The following BRIP1 variants were observed in gnomAD, a reference collection of about 807,000 sequenced individuals.
The protein encoded by BRIP1 is Fanconi anemia group J protein.
In BRIP1, 88 loss-of-function variants were observed where a neutral mutation model predicts 119.7. That is an observed-to-expected ratio of 0.74 (90% CI 0.62 to 0.88). BRIP1 has a LOEUF of 0.88. Among genes scored for constraint, BRIP1 ranks in the 40% least tolerant of loss-of-function variants. The probability of loss-of-function intolerance (pLI) is 0.00; values close to 1 mark genes in which losing one functional copy is unlikely to be tolerated. For synonymous variants in BRIP1, 443 were observed against 496.5 expected, an observed-to-expected ratio of 0.89 and a Z score of 1.43; for missense variants, 1,259 against 1,455.4, an observed-to-expected ratio of 0.87 and a Z score of 2.20.
Position 61,853,850 on chromosome 17 carries a change from C to A in BRIP1, c.379+3208G>T, listed in dbSNP as rs2078856932. ...CAAAATTTAACAGTAAGAACACAAA[C>A]TAATAAAAAATAGGCAATTATTCGA... On this transcript the variant is annotated intron_variant, in intron 4 of 19. Transcript: ENST00000259008. This position sits in a 1 kb window ranked among gnomAD's most constrained non-coding sequence, Gnocchi z 4.3. 6.6e-6 allele frequency among the ~76,000 whole-genome samples: 1 copy of A among 151,994 alleles called. No homozygotes were observed. Among genetic ancestry groups the A allele is most frequent in the African/African-American group, 2.4e-5 (1 of 41,388 alleles).
Position 61,778,245 on chromosome 17 carries a change from AT to A in BRIP1, c.1936-1684del, listed in dbSNP as rs2077563858. Among the ~76,000 whole-genome samples, 1 of 152,172 alleles carries A rather than the reference AT, an allele frequency of 6.6e-6. No homozygotes were observed. Among genetic ancestry groups the A allele is most frequent in the South Asian group, 2.1e-4 (1 of 4,832 alleles). On this transcript the variant is annotated intron_variant, in intron 13 of 19. Transcript: ENST00000259008. The surrounding 1 kb of genome is among the most constrained non-coding windows in gnomAD (Gnocchi z 4.4). Reference sequence around the variant, plus strand: ...TAAGCCAGTCACAAAAACGACAAATATTTTATGATTCCACTTATATGAAGTA... The same window carrying A: ...TAAGCCAGTCACAAAAACGACAAATATTTATGATTCCACTTATATGAAGTA...
chr17:61,804,373 T>C lies in BRIP1; in HGVS notation c.919-2899A>G, dbSNP rs192410061. ...AACCATACATAAAATATATAAATTATATCAGGGATAAAAGACTTTGAGGCA... is the reference window on the plus strand; with the variant it reads ...AACCATACATAAAATATATAAATTACATCAGGGATAAAAGACTTTGAGGCA... On this transcript the variant is annotated intron_variant, in intron 7 of 19. Transcript: ENST00000259008. This position sits in a 1 kb window ranked among gnomAD's most constrained non-coding sequence, Gnocchi z 4.5. 6.6e-6 allele frequency among the ~76,000 whole-genome samples: 1 copy of C among 152,178 alleles called. No individual in the cohort carries two copies. Among genetic ancestry groups the C allele is most frequent in the East Asian group, 1.9e-4 (1 of 5,186 alleles).
chr17:61,767,100 T>C lies in BRIP1; in HGVS notation c.2097+9301A>G, dbSNP rs2144921277. Among the ~76,000 whole-genome samples, 1 of 152,322 alleles carries C rather than the reference T, an allele frequency of 6.6e-6. No homozygotes were observed. Among genetic ancestry groups the C allele is most frequent in the South Asian group, 2.1e-4 (1 of 4,822 alleles). The stretch of plus-strand genomic sequence containing the variant: ...AAAACTAGATGAACAACGTTCTCAC[T>C]CTTACCCTTAAACAAATGCTGCAGT... On this transcript the variant is annotated intron_variant, in intron 14 of 19. Coordinates refer to ENST00000259008, the MANE Select transcript of BRIP1 (RefSeq NM_032043.3). The surrounding 1 kb of genome is among the most constrained non-coding windows in gnomAD (Gnocchi z 5.7).
chr17:61,835,057 TTTAA>T (rs1241627946), intron 6 of BRIP1, among the ~76,000 whole-genome samples: 17 of 152,262 alleles, frequency 1.1e-4, no homozygotes, highest in African/African-American at 4.1e-4. Context: ...GAGGAGACAG[TTTAA>T]TTAAGGATTA....
In BRIP1 at chr17:61,717,744, T is replaced by C. The variant is rs1359361028; in HGVS notation, c.2380-1681A>G. Among the ~76,000 whole-genome samples, 2 of 152,094 alleles carry C rather than the reference T, an allele frequency of 1.3e-5. No individual in the cohort carries two copies. Among genetic ancestry groups the C allele is most frequent in the Non-Finnish European group, 2.9e-5 (2 of 67,996 alleles). On this transcript the variant is annotated intron_variant, in intron 16 of 19. Coordinates refer to ENST00000259008, the MANE Select transcript of BRIP1 (RefSeq NM_032043.3). The surrounding 1 kb of genome is among the most constrained non-coding windows in gnomAD (Gnocchi z 4.1). Reference sequence around the variant, plus strand: ...AAACTTGAAAAATTTTCAGCCATTATTTCTCTAAATATATATATTATTCTG... The same window carrying C: ...AAACTTGAAAAATTTTCAGCCATTACTTCTCTAAATATATATATTATTCTG...
At chr17:61,818,680 C>T (rs946825252) in intron 6 of BRIP1, among the ~76,000 whole-genome samples, 1 of 152,158 alleles carries the variant, frequency 6.6e-6, no homozygotes, top group Non-Finnish European at 1.5e-5. Flanking sequence ...ATTATATCTC[C>T]TGCATGATCT....
In BRIP1 at chr17:61,710,642, T is replaced by C. The variant is rs1181571591; in HGVS notation, c.2492+5309A>G. Among the ~76,000 whole-genome samples the C allele has an allele frequency of 1.3e-5, 2 of 152,182 alleles. No homozygotes were observed. Among genetic ancestry groups the C allele is most frequent in the East Asian group, 3.8e-4 (2 of 5,198 alleles). On this transcript the variant is annotated intron_variant, in intron 17 of 19. Coordinates refer to ENST00000259008, the MANE Select transcript of BRIP1 (RefSeq NM_032043.3). This position sits in a 1 kb window ranked among gnomAD's most constrained non-coding sequence, Gnocchi z 5.4. ...AGTTTAATACTGACATACTTATGTT[T>C]AATAGTGAAAAATTCGGTGGCTAGA...
chr17:61,858,868 T>C (rs1048205189), intron 3 of BRIP1, among the ~76,000 whole-genome samples: 1 of 152,058 alleles, frequency 6.6e-6, no homozygotes, highest in African/African-American at 2.4e-5. Context: ...TAGTCTTTCA[T>C]AGAAGTAAAT....
rs1268156511 is a variant in BRIP1 at position 61,857,627 on chromosome 17, G to C, written c.206-396C>G. Among the ~76,000 whole-genome samples the C allele has an allele frequency of 6.6e-6, 1 of 152,172 alleles. No homozygotes were observed. The highest frequency in any genetic ancestry group is 6.5e-5 in the Admixed American group (1 of 15,276). On this transcript the variant is annotated intron_variant, in intron 3 of 19. Coordinates refer to ENST00000259008, the MANE Select transcript of BRIP1 (RefSeq NM_032043.3). The surrounding 1 kb of genome is among the most constrained non-coding windows in gnomAD (Gnocchi z 5.1). Reference sequence around the variant, plus strand: ...TAATACCACCTACTCAGGAGGCTGAGGCAGGAGAATCGCTTGAACCTGGGA... The same window carrying C: ...TAATACCACCTACTCAGGAGGCTGACGCAGGAGAATCGCTTGAACCTGGGA...
chr17:61,737,671 GTATT>G (rs1241045790), intron 16 of BRIP1, among the ~76,000 whole-genome samples: 1 of 152,108 alleles, frequency 6.6e-6, no homozygotes, highest in Non-Finnish European at 1.5e-5. Flanking sequence ...CATATTTCAA[GTATT>G]TTAGGTATTG....
intron 10 of BRIP1, among the ~76,000 whole-genome samples, chr17:61,788,930 C>A (rs2077774189): frequency 6.6e-6 from 1 of 151,752 alleles, no homozygotes; most frequent in Non-Finnish European, 1.5e-5. Flanking sequence ...CCCGTCTCTA[C>A]AAAAAAATAC....
Position 61,823,757 on chromosome 17 carries a change from A to AACACAC in BRIP1, c.628-15006_628-15001dup, listed in dbSNP as rs144749656. 0.011 allele frequency among the ~76,000 whole-genome samples: 1,402 copies of AACACAC among 131,716 alleles called. 12 individuals carry two copies. Among genetic ancestry groups the AACACAC allele is most frequent in the East Asian group, 0.061 (299 of 4,900 alleles). The allele number at this position is 131,716 out of a possible 152,430, so 86.4% of individuals were successfully genotyped here. Reference sequence around the variant, plus strand: ...GCTCAATGACCCCAAGCACACAATAAACACACACACACACACACACACACA... The same window carrying AACACAC: ...GCTCAATGACCCCAAGCACACAATAAACACACACACACACACACACACACACACACA... On this transcript the variant is annotated intron_variant, in intron 6 of 19. Transcript: ENST00000259008. This position sits in a 1 kb window ranked among gnomAD's most constrained non-coding sequence, Gnocchi z 4.8.
rs1410058363 is a variant in BRIP1 at position 61,832,923 on chromosome 17, A to C, written c.627+14178T>G. 6.6e-6 allele frequency among the ~76,000 whole-genome samples: 1 copy of C among 152,234 alleles called. No homozygotes were observed. Among genetic ancestry groups the C allele is most frequent in the Admixed American group, 6.5e-5 (1 of 15,286 alleles). On this transcript the variant is annotated intron_variant, in intron 6 of 19. Coordinates refer to ENST00000259008, the MANE Select transcript of BRIP1 (RefSeq NM_032043.3). This position sits in a 1 kb window ranked among gnomAD's most constrained non-coding sequence, Gnocchi z 5.5. Reference sequence around the variant, plus strand: ...AAGTATTTCAGGGTGAGGGAACATCAGGGCAACAACATACTCTTAAATGGC... The same window carrying C: ...AAGTATTTCAGGGTGAGGGAACATCCGGGCAACAACATACTCTTAAATGGC...
chr17:61,840,964 T>C (rs941399513), intron 6 of BRIP1, among the ~76,000 whole-genome samples: 14 of 151,972 alleles, frequency 9.2e-5, no homozygotes, highest in South Asian at 8.3e-4. Context: ...AGAACACATA[T>C]CGGGGAAAGG....
chr17:61,733,557 C>T (rs974561113), intron 16 of BRIP1, among the ~76,000 whole-genome samples: 1 of 151,814 alleles, frequency 6.6e-6, no homozygotes, highest in Admixed American at 6.6e-5. Context: ...GTTATAAAGT[C>T]GATAAGTAAC....
rs2061449291 is a variant in BRIP1, at chr17:61,691,720, C to T, written c.2575+1710G>A. Among the ~76,000 whole-genome samples the T allele has an allele frequency of 6.6e-6, 1 of 152,208 alleles. No individual in the cohort carries two copies. Among genetic ancestry groups the T allele is most frequent in the South Asian group, 2.1e-4 (1 of 4,824 alleles). On this transcript the variant is annotated intron_variant, in intron 18 of 19. Transcript: ENST00000259008. This position sits in a 1 kb window ranked among gnomAD's most constrained non-coding sequence, Gnocchi z 5.0. ...CCACCTGCCTTGGCCTCCCAAAACA[C>T]TGGGATTACAGGCGTGAGCCACCAT... is the stretch of plus-strand genomic sequence containing the variant.
At chr17:61,750,151 G>A (rs1015587870) in intron 14 of BRIP1, among the ~76,000 whole-genome samples, 1 of 152,138 alleles carries the variant, frequency 6.6e-6, no homozygotes, top group African/African-American at 2.4e-5. Flanking sequence ...TATGCTACGA[G>A]CTTCTTACAT....
chr17:61,860,973 T>G lies in BRIP1; in HGVS notation c.93+474A>C, dbSNP rs1263547097. Among the ~76,000 whole-genome samples, 1 of 152,126 alleles carries G rather than the reference T, an allele frequency of 6.6e-6. No individual in the cohort carries two copies. The highest frequency in any genetic ancestry group is 1.5e-5 in the Non-Finnish European group (1 of 68,020). ...TATATGTAATAAAAGTATAAAAACA[T>G]GGCTAGGAAAGGAAAAGAACAAATT... On this transcript the variant is annotated intron_variant, in intron 2 of 19. Transcript: ENST00000259008. This position sits in a 1 kb window ranked among gnomAD's most constrained non-coding sequence, Gnocchi z 4.1.
chr17:61,709,613 G>A lies in BRIP1; in HGVS notation c.2492+6338C>T, dbSNP rs919909707. 2.6e-5 allele frequency among the ~76,000 whole-genome samples: 4 copies of A among 152,034 alleles called. No homozygotes were observed. Among genetic ancestry groups the A allele is most frequent in the Non-Finnish European group, 4.4e-5 (3 of 67,998 alleles). On this transcript the variant is annotated intron_variant, in intron 17 of 19. Coordinates refer to ENST00000259008, the MANE Select transcript of BRIP1 (RefSeq NM_032043.3). The surrounding 1 kb of genome is among the most constrained non-coding windows in gnomAD (Gnocchi z 5.0). ...TTATGTTTAAAGCATTCTATGGTAT[G>A]GTAGAAAGGTATTTCTGTTAATGAA... is the stretch of plus-strand genomic sequence containing the variant.
Sources: gnomAD v4.1 joint callset for allele counts (sites outside exome capture counted in the v4.1 genomes callset) on GRCh38, gnomAD v4.1.1 for gene constraint, Gnocchi (gnomAD v3.1) non-coding constraint, MANE v1.5 for transcripts, NCBI Gene and HGNC (gene_info 2026-07-23, HGNC 2026-07-21) for gene names.